Variants in ZNF512 observed in about 807,000 individuals in gnomAD.
The protein encoded by ZNF512 is zinc finger protein 512.
In ZNF512, 25 loss-of-function variants were observed where a neutral mutation model predicts 77.5. The observed-to-expected ratio is 0.32, with a 90% CI of 0.23 to 0.45. ZNF512 has a LOEUF of 0.45. Ranked by LOEUF, ZNF512 falls within the 20% of genes least tolerant of loss-of-function variation. The pLI is 1.00. For synonymous variants in ZNF512, 246 were observed against 239.9 expected (o/e 1.03, Z -0.24); for missense variants, 483 against 692.6 (o/e 0.70, Z 3.40).
At chr2:27,613,688 C>A (rs1416819479) in intron 10 of ZNF512, among the ~76,000 whole-genome samples, 2 of 151,860 alleles carry the variant, frequency 1.3e-5, no homozygotes, top group Admixed American at 1.3e-4. Flanking sequence ...TATGCTTGAT[C>A]CTTGTTTGGT....
At position 27,598,158 on chromosome 2, in the gene ZNF512, T is replaced by G. The variant is rs752972393; in HGVS notation, c.181T>G (p.Cys61Gly). 2.5e-6 allele frequency: 4 copies of G among 1,614,086 alleles called. No homozygotes were observed. The highest frequency in any genetic ancestry group is 3.4e-6 in the Non-Finnish European group (4 of 1,179,986). Reference sequence around the variant, plus strand: ...AAGTGGTTCATCGTCTGCATCTTCGTGTGAACCAGTGAGTGATTTTCCAGC... The same window carrying G: ...AAGTGGTTCATCGTCTGCATCTTCGGGTGAACCAGTGAGTGATTTTCCAGC... The part of the protein sequence containing the change: ...SLSGSSSASS[C>G]EPVSDFPASF... The change falls in exon 3 of 14, where the codon TGT becomes GGT. Residue 61 changes from cysteine (C) to glycine (G), a missense_variant. Cys to Gly is a radical substitution (Grantham distance 159, BLOSUM62 -3). Around this residue, in one of 2 missense-constraint regions of ZNF512, gnomAD observed 159 missense variants for 167.5 expected, o/e 0.95. Transcript: ENST00000355467.
chr2:27,605,789 T>C (rs1672328650), intron 9 of ZNF512, among the ~76,000 whole-genome samples: 1 of 152,192 alleles, frequency 6.6e-6, no homozygotes. Flanking sequence ...AAGGTTTTTA[T>C]GTGAAAATAA....
chr2:27,591,108 C>T (rs923462116), intron 2 of ZNF512, among the ~76,000 whole-genome samples: 7 of 152,178 alleles, frequency 4.6e-5, no homozygotes, highest in African/African-American at 2.4e-5. Context: ...GCGGTCATAG[C>T]TCACTGAAGC....
chr2:27,610,342 T>G (rs1672558069), intron 10 of ZNF512, among the ~76,000 whole-genome samples: 1 of 145,350 alleles, frequency 6.9e-6, no homozygotes, highest in Non-Finnish European at 1.5e-5. Flanking sequence ...CCAGCCTGGG[T>G]GACAGAGCAA....
Position 27,598,079 on chromosome 2 carries a change from G to A in ZNF512, c.102G>A (p.Gln34=), listed in dbSNP as rs1671951727. The A allele has an allele frequency of 3.2e-6, 5 of 1,577,200 alleles. No homozygotes were observed. The highest frequency in any genetic ancestry group is 1.7e-5 in the Admixed American group (1 of 59,382). The change falls in exon 3 of 14, where the codon CAG becomes CAA. Residue 34 remains glutamine, a synonymous_variant. Coordinates refer to ENST00000355467, the MANE Select transcript of ZNF512 (RefSeq NM_032434.4). ...RIVGAKNSRT[Q]CSIKDNSFQY... is the part of the protein sequence containing the mutation. ...TATGTTGTATTAGTAGCAGGACCCA[G>A]TGCTCCATAAAGGATAATAGTTTCC...
chr2:27,616,031 A>G (rs1241254866), intron 11 of ZNF512, among the ~76,000 whole-genome samples: 1 of 152,170 alleles, frequency 6.6e-6, no homozygotes, highest in Non-Finnish European at 1.5e-5. Flanking sequence ...AGGGAAGGAA[A>G]TGGCTTAATC....
chr2:27,618,187 T>C (rs1169019532), intron 13 of ZNF512, among the ~76,000 whole-genome samples: 2 of 152,172 alleles, frequency 1.3e-5, no homozygotes, highest in African/African-American at 4.8e-5. Context: ...CCCAAAGTGC[T>C]AGGATTACAG....
At chr2:27,589,685 T>G (rs149402295) in intron 2 of ZNF512, among the ~76,000 whole-genome samples, 4 of 152,328 alleles carry the variant, frequency 2.6e-5, no homozygotes, top group African/African-American at 9.6e-5. Context: ...GTATAAGCAT[T>G]TAAAGCTTTA....
At chr2:27,583,437 G>A (rs1341656600) in intron 1 of ZNF512, 17 of 1,445,728 alleles carry the variant, frequency 1.2e-5, no homozygotes, top group Admixed American at 2.8e-5. Flanking sequence ...GCCTGGGACA[G>A]GGCTTTGAGA....
At position 27,621,503 on chromosome 2, in the gene ZNF512, C is replaced by A; in HGVS notation, c.*42C>A. ...TGCTCCTAGGAAAGCAGATGTGATG[C>A]TGTTGTCACGGGGACCTGTGCTGGG... On this transcript the variant is annotated 3_prime_UTR_variant, in exon 14 of 14. Transcript: ENST00000355467. 6.4e-7 allele frequency: 1 copy of A among 1,552,894 alleles called. No homozygotes were observed. The highest frequency in any genetic ancestry group is 8.7e-7 in the Non-Finnish European group (1 of 1,154,682).
intron 2 of ZNF512, among the ~76,000 whole-genome samples, chr2:27,585,206 A>C (rs756452694): frequency 3.3e-5 from 5 of 152,246 alleles, no homozygotes; most frequent in Non-Finnish European, 7.3e-5. Context: ...CAAATTTCTG[A>C]ATGAGGAGCA....
At chr2:27,594,598 C>T (rs1250835586) in intron 2 of ZNF512, among the ~76,000 whole-genome samples, 1 of 149,258 alleles carries the variant, frequency 6.7e-6, no homozygotes, top group Non-Finnish European at 1.5e-5. Flanking sequence ...ACGCTCCTCA[C>T]TTCCTAGACG....
At position 27,603,240 on chromosome 2, in the gene ZNF512, A is replaced by G; in HGVS notation, c.869A>G (p.His290Arg). Residue 290 changes from histidine to arginine, a missense_variant, in exon 9 of 14, where the codon CAC becomes CGC. Around this residue, in one of 2 missense-constraint regions of ZNF512, gnomAD observed 324 missense variants for 525.0 expected, o/e 0.62. Transcript: ENST00000355467. ...CTGGAAAAGATGACCCTGAAATGTC[A>G]CCACTGTGGAAAACCATATAGGTCG... ...AELEKMTLKC[H>R]HCGKPYRSKA... is the part of the protein sequence containing the mutation. The G allele has an allele frequency of 6.2e-7, 1 of 1,614,170 alleles. No homozygotes were observed. The highest frequency in any genetic ancestry group is 1.1e-5 in the South Asian group (1 of 91,092).
intron 2 of ZNF512, among the ~76,000 whole-genome samples, chr2:27,590,497 T>C (rs1212865714): frequency 6.6e-6 from 1 of 152,240 alleles, no homozygotes; most frequent in Non-Finnish European, 1.5e-5. Flanking sequence ...CTTTTTATTT[T>C]ACTCTGTCAT....
chr2:27,605,985 T>C (rs937232905), intron 9 of ZNF512, among the ~76,000 whole-genome samples: 2 of 152,238 alleles, frequency 1.3e-5, no homozygotes. Flanking sequence ...ATTATCAATT[T>C]TATTTTTTGA....
intron 2 of ZNF512, among the ~76,000 whole-genome samples, chr2:27,595,527 A>G (rs962569121): frequency 6.6e-6 from 1 of 152,054 alleles, no homozygotes; most frequent in African/African-American, 2.4e-5. Context: ...GGGTTTCACT[A>G]TGCTGATCAG....
chr2:27,583,284 C>T (rs1671192672), intron 1 of ZNF512, 142 bp downstream of exon 1: 2 of 1,363,816 alleles, frequency 1.5e-6, no homozygotes, highest in African/African-American at 1.4e-5. Flanking sequence ...GATCACCTGT[C>T]CCTTTTTCTT....
intron 1 of ZNF512, 114 bp from the exon 2 acceptor site, chr2:27,583,544 T>TC: frequency 6.5e-7 from 1 of 1,531,354 alleles, no homozygotes; most frequent in Non-Finnish European, 8.7e-7. Context: ...CTTCTTGTGT[T>TC]TGAGGTGGTT....
chr2:27,591,708 C>T (rs369103249), intron 2 of ZNF512, among the ~76,000 whole-genome samples: 2 of 152,234 alleles, frequency 1.3e-5, no homozygotes, highest in Non-Finnish European at 2.9e-5. Context: ...CGCGCCCAGC[C>T]TTAAAATTAT....
Sources: gnomAD v4.1 joint callset for allele counts (sites outside exome capture counted in the v4.1 genomes callset) on GRCh38, gnomAD v4.1.1 for gene constraint, gnomAD v4.1.1 regional missense constraint, MANE v1.5 for transcripts, NCBI Gene and HGNC (gene_info 2026-07-23, HGNC 2026-07-21) for gene names.